CNTN5: variants seen among roughly 807,000 people sequenced by gnomAD.
CNTN5 encodes contactin-5.
A neutral mutation model predicts 129.1 loss-of-function variants in CNTN5; 77 were observed. That is an observed-to-expected ratio of 0.60 (90% CI 0.50 to 0.72). The LOEUF (loss-of-function observed/expected upper bound fraction) is 0.72, where lower values mean the gene tolerates loss of function less well. Among genes scored for constraint, CNTN5 ranks in the 30% least tolerant of loss-of-function variants. CNTN5 has a pLI of 0.00. For missense variants in CNTN5, 1,478 were observed against 1,328.8 expected (o/e 1.11, Z -1.75); for synonymous variants, 509 against 465.6 (o/e 1.09, Z -1.20).
intron 6 of CNTN5, among the ~76,000 whole-genome samples, chr11:99,891,177 A>G (rs1565645107): frequency 6.6e-6 from 1 of 152,182 alleles, no homozygotes; most frequent in Admixed American, 6.5e-5. Context: ...TTGGTTGATT[A>G]TTGTGACAAG....
Position 99,585,240 on chromosome 11 carries a change from G to C in CNTN5, c.55+28971G>C, listed in dbSNP as rs147238971. Among the ~76,000 whole-genome samples, 12 of 152,140 alleles carry C rather than the reference G, an allele frequency of 7.9e-5. No homozygotes were observed. In the East Asian group the frequency reaches 1.9e-3, roughly 25 times the overall value. ...CTAGCCTTTAAGAAACTTGAGTTTT[G>C]GTATAGTATCAAAGAAGAATATTCA... On this transcript the variant is annotated intron_variant, in intron 3 of 24. Coordinates refer to ENST00000524871, the MANE Select transcript of CNTN5 (RefSeq NM_014361.4).
chr11:99,874,780 T>C (rs1948591396), intron 6 of CNTN5, among the ~76,000 whole-genome samples: 2 of 152,198 alleles, frequency 1.3e-5, no homozygotes, highest in Non-Finnish European at 2.9e-5. Context: ...AAGTAATTTA[T>C]GGATTTAAAT....
At chr11:99,667,563 T>C (rs1039431538) in intron 3 of CNTN5, among the ~76,000 whole-genome samples, 1 of 152,148 alleles carries the variant, frequency 6.6e-6, no homozygotes, top group African/African-American at 2.4e-5. Flanking sequence ...TAAATGTAAA[T>C]TGAAATCGAT....
chr11:99,678,796 A>G (rs1463311670), intron 3 of CNTN5, among the ~76,000 whole-genome samples: 1 of 152,058 alleles, frequency 6.6e-6, no homozygotes, highest in Non-Finnish European at 1.5e-5. Flanking sequence ...CAGTAAAGAA[A>G]TAAATTACTA....
intron 4 of CNTN5, among the ~76,000 whole-genome samples, chr11:99,837,279 T>C (rs991014661): frequency 6.6e-5 from 10 of 152,214 alleles, no homozygotes; most frequent in Admixed American, 5.9e-4. Context: ...TTTAATGTAA[T>C]ATTAGCCAAC....
chr11:100,282,869 C>A (rs1010314601), intron 18 of CNTN5, among the ~76,000 whole-genome samples: 2 of 152,238 alleles, frequency 1.3e-5, no homozygotes, highest in Admixed American at 1.3e-4. Flanking sequence ...GCCACTGCCA[C>A]CACAAGCCCA....
At chr11:99,078,562 T>C (rs904929905) in intron 1 of CNTN5, among the ~76,000 whole-genome samples, 2 of 152,168 alleles carry the variant, frequency 1.3e-5, no homozygotes, top group African/African-American at 4.8e-5. Context: ...ATAAATAAGA[T>C]GTGGTAATGT....
At chr11:99,948,024 C>T (rs1950590603) in intron 7 of CNTN5, among the ~76,000 whole-genome samples, 1 of 152,074 alleles carries the variant, frequency 6.6e-6, no homozygotes, top group African/African-American at 2.4e-5. Flanking sequence ...AAGTAAAACA[C>T]AGGAATATAA....
At chr11:99,710,085 G>T (rs370907474) in intron 3 of CNTN5, among the ~76,000 whole-genome samples, 1 of 151,766 alleles carries the variant, frequency 6.6e-6, no homozygotes, top group Non-Finnish European at 1.5e-5. Flanking sequence ...AGCAAAGAAC[G>T]CACCTGCTAG....
At chr11:100,117,753 T>C (rs906429772) in intron 13 of CNTN5, among the ~76,000 whole-genome samples, 3 of 151,400 alleles carry the variant, frequency 2.0e-5, no homozygotes, top group African/African-American at 7.3e-5. Flanking sequence ...TTGTAAAGAA[T>C]GGCATTCTAT....
chr11:99,149,405 G>T, intron 1 of CNTN5, among the ~76,000 whole-genome samples: 1 of 152,186 alleles, frequency 6.6e-6, no homozygotes, highest in South Asian at 2.1e-4. Flanking sequence ...TGTTTTCAAA[G>T]AAAAGAATCT....
chr11:99,323,859 G>A (rs549297721), intron 1 of CNTN5, among the ~76,000 whole-genome samples: 7 of 152,042 alleles, frequency 4.6e-5, no homozygotes, highest in South Asian at 4.1e-4. Context: ...ATTAAGAAAA[G>A]AATGAAGGGA....
At chr11:99,284,712 A>G (rs189822219) in intron 1 of CNTN5, among the ~76,000 whole-genome samples, 99 of 150,996 alleles carry the variant, frequency 6.6e-4, no homozygotes, top group Non-Finnish European at 1.3e-4. Context: ...AGTTATAGTT[A>G]GTTGTTTAAA....
In CNTN5 at chr11:100,308,526, T is replaced by C. The variant is rs1951406499; in HGVS notation, c.2730+58T>C. On this transcript the variant is annotated intron_variant, in intron 21 of 24. Coordinates refer to ENST00000524871, the MANE Select transcript of CNTN5 (RefSeq NM_014361.4). ...TGTTTCTTCTGACATCACATTCTCCTAAAGAGAGGTTTTGGTGACACCTCA... is the reference window on the plus strand; with the variant it reads ...TGTTTCTTCTGACATCACATTCTCCCAAAGAGAGGTTTTGGTGACACCTCA... The C allele has an allele frequency of 6.6e-6, 10 of 1,525,644 alleles. No homozygotes were observed. In the South Asian group the frequency reaches 1.3e-4, roughly 19 times the overall value. The allele number at this position is 1,525,644 out of a possible 1,614,324, so 94.5% of individuals were successfully genotyped here.
chr11:99,554,623 A>G lies in CNTN5; in HGVS notation c.-70-1522A>G, dbSNP rs1053921100. 2.6e-5 allele frequency among the ~76,000 whole-genome samples: 4 copies of G among 152,294 alleles called. No homozygotes were observed. In the South Asian group the frequency reaches 8.3e-4, roughly 32 times the overall value. On this transcript the variant is annotated intron_variant, in intron 2 of 24. Transcript: ENST00000524871. ...GGAGTATGGGACTGAGCACAAGCTC[A>G]TAAAAATGAGTTAAGCCAAAGCTAT... is the stretch of plus-strand genomic sequence containing the variant.
chr11:100,305,572 C>A (rs2138912455), intron 20 of CNTN5, among the ~76,000 whole-genome samples: 1 of 151,772 alleles, frequency 6.6e-6, no homozygotes, highest in Non-Finnish European at 1.5e-5. Flanking sequence ...GACTTTGGAG[C>A]CAAGTGACTT....
chr11:99,564,295 G>A (rs1468536713), intron 3 of CNTN5, among the ~76,000 whole-genome samples: 1 of 151,894 alleles, frequency 6.6e-6, no homozygotes, highest in South Asian at 2.1e-4. Flanking sequence ...GTGTCACTAA[G>A]TTGGCTGGTT....
chr11:99,358,583 A>T (rs2136102600), intron 2 of CNTN5, among the ~76,000 whole-genome samples: 1 of 152,112 alleles, frequency 6.6e-6, no homozygotes, highest in Non-Finnish European at 1.5e-5. Context: ...AAATAAAAAT[A>T]AATTGTCATT....
chr11:100,135,536 C>A (rs1227377025), intron 13 of CNTN5, among the ~76,000 whole-genome samples: 15 of 151,956 alleles, frequency 9.9e-5, no homozygotes, highest in Non-Finnish European at 1.5e-5. Flanking sequence ...GTGCCTCTTA[C>A]CATAAAATTG....
Sources: allele counts gnomAD v4.1 joint callset (sites outside exome capture counted in the v4.1 genomes callset), GRCh38; gene constraint gnomAD v4.1.1; transcripts MANE v1.5; gene names NCBI Gene and HGNC (gene_info 2026-07-23, HGNC 2026-07-21).